Variants in SLC9C1 observed in about 807,000 individuals in gnomAD.
SLC9C1 encodes solute carrier family 9 member C1, also known as sodium/hydrogen exchanger 10.
A neutral mutation model predicts 140.9 loss-of-function variants in SLC9C1; 97 were observed. That is an observed-to-expected ratio of 0.69 (90% CI 0.58 to 0.82). The LOEUF is 0.82. Ranked by LOEUF, SLC9C1 falls within the 40% of genes least tolerant of loss-of-function variation. SLC9C1 has a pLI of 0.00. For missense variants in SLC9C1, 1,340 were observed against 1,389.3 expected (o/e 0.96, Z 0.56); for synonymous variants, 440 against 442.6 (o/e 0.99, Z 0.07).
chr3:112,239,462 C>T lies in SLC9C1; in HGVS notation c.1446+378G>A, dbSNP rs563942705. Among the ~76,000 whole-genome samples the T allele has an allele frequency of 4.9e-4, 74 of 152,318 alleles. 2 individuals are homozygous for T. In the Middle Eastern group the frequency reaches 0.01, roughly 21 times the overall value. On this transcript the variant is annotated intron_variant, in intron 12 of 28. Coordinates refer to ENST00000305815, the MANE Select transcript of SLC9C1 (RefSeq NM_183061.3). ...CACTGGGTGCACTGCACCCACTGTC[C>T]TGCATCCACTGTCTGACAAGCCCCA...
chr3:112,206,641 C>T (rs1028798852), intron 16 of SLC9C1, among the ~76,000 whole-genome samples: 2 of 152,108 alleles, frequency 1.3e-5, no homozygotes, highest in Non-Finnish European at 2.9e-5. Context: ...GGCCCATATA[C>T]ACCATGGAAT....
At chr3:112,142,034 G>T (rs2074641386) in intron 28 of SLC9C1, among the ~76,000 whole-genome samples, 1 of 152,148 alleles carries the variant, frequency 6.6e-6, no homozygotes, top group African/African-American at 2.4e-5. Context: ...AAGTAGTAGT[G>T]CCTTGGACGT....
At chr3:112,152,409 A>C (rs1316314786) in intron 27 of SLC9C1, among the ~76,000 whole-genome samples, 2 of 151,976 alleles carry the variant, frequency 1.3e-5, no homozygotes, top group East Asian at 3.9e-4. Context: ...AGCATGTCTC[A>C]CCTCCAGCCA....
intron 23 of SLC9C1, among the ~76,000 whole-genome samples, chr3:112,177,531 C>T (rs1044684725): frequency 2.0e-5 from 3 of 149,598 alleles, no homozygotes; most frequent in African/African-American, 4.9e-5. Context: ...TTAGCAGGAT[C>T]GCCATCTTCT....
chr3:112,208,890 A>G (rs998921368), intron 15 of SLC9C1, among the ~76,000 whole-genome samples: 1 of 152,190 alleles, frequency 6.6e-6, no homozygotes, highest in African/African-American at 2.4e-5. Flanking sequence ...TTGTCAAGGT[A>G]TAAAATTGGG....
chr3:112,226,349 A>G (rs2078681878), intron 13 of SLC9C1, among the ~76,000 whole-genome samples: 1 of 152,212 alleles, frequency 6.6e-6, no homozygotes, highest in African/African-American at 2.4e-5. Flanking sequence ...AAGTAGAAAC[A>G]CAACATATCA....
chr3:112,224,887 T>C lies in SLC9C1; in HGVS notation c.1573-3662A>G, dbSNP rs561161749. ...AACCCAAGAGAGCTCATGGGACCCA[T>C]GGGACATCATTACACAAACAAATGT... On this transcript the variant is annotated intron_variant, in intron 13 of 28. Transcript: ENST00000305815. 2.0e-5 allele frequency among the ~76,000 whole-genome samples: 3 copies of C among 152,036 alleles called. No individual in the cohort carries two copies. In the East Asian group the frequency reaches 5.8e-4, roughly 29 times the overall value.
chr3:112,226,431 TAGAC>T (rs753091700), intron 13 of SLC9C1, among the ~76,000 whole-genome samples: 99 of 152,170 alleles, frequency 6.5e-4, no homozygotes, highest in African/African-American at 2.1e-3. Context: ...ATCAAAAAAA[TAGAC>T]AGAGGGCCAG....
rs373849945 is a variant in SLC9C1 at position 112,179,560 on chromosome 3, A to G, written c.2890T>C (p.Tyr964His). The G allele has an allele frequency of 1.2e-6, 2 of 1,606,342 alleles. No homozygotes were observed. The highest frequency in any genetic ancestry group is 1.3e-5 in the African/African-American group (1 of 74,770). ...INCLTNEPMK[Y>H]SATCKTVVET... ...ACTACAGTTTTGCAGGTGGCAGAATATTTCATAGGTTCATTAGTTAAGCAG... is the reference window on the plus strand; with the variant it reads ...ACTACAGTTTTGCAGGTGGCAGAATGTTTCATAGGTTCATTAGTTAAGCAG... Residue 964 changes from tyrosine to histidine, a missense_variant, in exon 23 of 29, where the codon TAT (tyrosine) becomes CAT (histidine). Coordinates refer to ENST00000305815, the MANE Select transcript of SLC9C1 (RefSeq NM_183061.3).
At chr3:112,280,207 G>C (rs1415465644) in intron 3 of SLC9C1, among the ~76,000 whole-genome samples, 2 of 152,146 alleles carry the variant, frequency 1.3e-5, no homozygotes, top group African/African-American at 4.8e-5. Context: ...GGCAAATTAT[G>C]GCCCCTTGGC....
At chr3:112,275,785 T>C (rs931967894) in intron 5 of SLC9C1, among the ~76,000 whole-genome samples, 2 of 152,202 alleles carry the variant, frequency 1.3e-5, no homozygotes, top group African/African-American at 4.8e-5. Flanking sequence ...GCTGTTCCTG[T>C]GTGGCTCAAT....
Position 112,189,101 on chromosome 3 carries a change from T to C in SLC9C1, c.2524-6843A>G, listed in dbSNP as rs544607276. On this transcript the variant is annotated intron_variant, in intron 20 of 28. Transcript: ENST00000305815. ...GTTTGTTTTTTTCTTGTAAATTTGTTTGAGTTCTTTGTAGATTCTGGATAT... is the reference window on the plus strand; with the variant it reads ...GTTTGTTTTTTTCTTGTAAATTTGTCTGAGTTCTTTGTAGATTCTGGATAT... 2.5e-3 allele frequency among the ~76,000 whole-genome samples: 375 copies of C among 152,348 alleles called. 2 individuals carry two copies. The highest frequency in any genetic ancestry group is 8.6e-3 in the African/African-American group (358 of 41,576).
In SLC9C1 at chr3:112,244,074, T is replaced by C; in HGVS notation, c.1200A>G (p.Ile400Met). The C allele has an allele frequency of 6.3e-7, 1 of 1,582,220 alleles. No individual in the cohort carries two copies. ...YFGSDKEKSQ[I>M]LFHGVLVCLI... ...GGCATACTAACACTCCATGAAATAA[T>C]ATCTAGAATTGAAAAAAATACAAAG... The change falls in exon 11 of 29, where the codon ATA becomes ATG. Residue 400 changes from isoleucine to methionine, a missense_variant and splice_region_variant. Physicochemically the swap from Ile to Met is conservative, Grantham distance 10. Transcript: ENST00000305815.
chr3:112,161,528 A>G (rs1282654492), intron 26 of SLC9C1, among the ~76,000 whole-genome samples: 1 of 152,178 alleles, frequency 6.6e-6, no homozygotes, highest in African/African-American at 2.4e-5. Flanking sequence ...TAAATAGGGA[A>G]TCCTTTCCTC....
intron 19 of SLC9C1, among the ~76,000 whole-genome samples, chr3:112,199,978 T>C (rs2077866749): frequency 6.6e-6 from 1 of 152,052 alleles, no homozygotes; most frequent in African/African-American, 2.4e-5. Flanking sequence ...CTGAAGTCCA[T>C]GAAAATTTCA....
chr3:112,248,790 T>A (rs1362571044), intron 10 of SLC9C1, among the ~76,000 whole-genome samples: 1 of 152,200 alleles, frequency 6.6e-6, no homozygotes, highest in Non-Finnish European at 1.5e-5. Flanking sequence ...ATTAAGCTTT[T>A]AAGTTTTTCT....
chr3:112,264,148 T>C lies in SLC9C1; in HGVS notation c.1022+52A>G, dbSNP rs375835157. ...TCTTTGTGTTATTTAAAAGATGACC[T>C]TCAAACTTACTCAATTATCTATAAA... On this transcript the variant is annotated intron_variant, in intron 9 of 28. Transcript: ENST00000305815. The C allele has an allele frequency of 3.6e-6, 3 of 839,644 alleles. No homozygotes were observed. The African/African-American group carries it at 5.3e-5, about 15-fold the overall frequency. 52.0% of individuals were successfully genotyped at this position (839,644 alleles called of 1,614,324 possible). A position where few individuals can be genotyped will look rare whatever the true frequency, so the allele number is the denominator to read the frequency against.
At chr3:112,141,667 G>A (rs533643177) in intron 28 of SLC9C1, among the ~76,000 whole-genome samples, 9 of 152,224 alleles carry the variant, frequency 5.9e-5, no homozygotes, top group Non-Finnish European at 1.2e-4. Flanking sequence ...TGAACGTAAA[G>A]GGTGTTAAGA....
intron 28 of SLC9C1, among the ~76,000 whole-genome samples, chr3:112,143,239 A>C: frequency 6.7e-6 from 1 of 148,210 alleles, no homozygotes; most frequent in South Asian, 2.1e-4. Flanking sequence ...ATTTGTGTAT[A>C]TATATATATA....
Sources: allele counts gnomAD v4.1 joint callset (sites outside exome capture counted in the v4.1 genomes callset), GRCh38; gene constraint gnomAD v4.1.1; transcripts MANE v1.5; gene names NCBI Gene and HGNC (gene_info 2026-07-23, HGNC 2026-07-21).